AP3B1: variants seen among roughly 807,000 people sequenced by gnomAD.
AP3B1 encodes adaptor related protein complex 3 subunit beta 1.
AP3B1 carries 61 observed loss-of-function variants against 132.5 expected under a neutral mutation model. The ratio of observed to expected loss-of-function variants is 0.46; its 90% CI spans 0.37 to 0.57. The LOEUF (loss-of-function observed/expected upper bound fraction) is 0.57, where lower values mean the gene tolerates loss of function less well. Ranked by LOEUF, AP3B1 falls within the 20% of genes least tolerant of loss-of-function variation. The probability of loss-of-function intolerance (pLI) is 0.00; values close to 1 mark genes in which losing one functional copy is unlikely to be tolerated. For missense variants in AP3B1, 1,120 were observed against 1,289.4 expected, an observed-to-expected ratio of 0.87 and a Z score of 2.01; for synonymous variants, 388 against 438.3, an observed-to-expected ratio of 0.89 and a Z score of 1.43.
In AP3B1 at chr5:78,197,145, T is replaced by C. The variant is rs542115525; in HGVS notation, c.787-15483A>G. Among the ~76,000 whole-genome samples, 7 of 152,274 alleles carry C rather than the reference T, an allele frequency of 4.6e-5. No individual in the cohort carries two copies. The South Asian group carries it at 1.5e-3, about 32-fold the overall frequency. ...AAATCCCTGCACCTTCAACTAAGTT[T>C]TACCGTAAACTTATAACTGCTCCAA... On this transcript the variant is annotated intron_variant, in intron 7 of 26. Transcript: ENST00000255194.
intron 22 of AP3B1, among the ~76,000 whole-genome samples, chr5:78,079,667 T>C (rs1749907921): frequency 6.6e-6 from 1 of 152,234 alleles, no homozygotes. Flanking sequence ...GATTTTAGTA[T>C]ATATTTAATG....
intron 7 of AP3B1, among the ~76,000 whole-genome samples, chr5:78,191,354 C>CAAAAAAAAAAAAAAAAAAAA (rs34733864): frequency 1.4e-5 from 1 of 72,832 alleles, no homozygotes; most frequent in African/African-American, 5.5e-5. Context: ...TGCTTTTCCC[C>CAAAAAAAAAAAAAAAAAAAA]AAAAAAAAAA....
At chr5:78,092,526 T>C (rs950443972) in intron 21 of AP3B1, among the ~76,000 whole-genome samples, 6 of 152,206 alleles carry the variant, frequency 3.9e-5, no homozygotes, top group Admixed American at 3.3e-4. Flanking sequence ...AAATGAAATA[T>C]CATGCCCACC....
intron 24 of AP3B1, among the ~76,000 whole-genome samples, chr5:78,029,320 T>C (rs1282717163): frequency 1.3e-5 from 2 of 152,182 alleles, no homozygotes; most frequent in Non-Finnish European, 2.9e-5. Context: ...AAATATTTTA[T>C]TATTACTTTT....
chr5:78,197,435 C>T (rs982740677), intron 7 of AP3B1, among the ~76,000 whole-genome samples: 1 of 152,116 alleles, frequency 6.6e-6, no homozygotes. Flanking sequence ...GGTTTATATA[C>T]TCTTAAGGTA....
chr5:78,174,183 C>T (rs1376502247), intron 11 of AP3B1, among the ~76,000 whole-genome samples: 7 of 152,136 alleles, frequency 4.6e-5, no homozygotes, highest in East Asian at 1.9e-4. Context: ...AGCCTACTTC[C>T]GTCAACTCAT....
chr5:78,232,758 G>C (rs187421856), intron 3 of AP3B1, among the ~76,000 whole-genome samples: 3 of 152,092 alleles, frequency 2.0e-5, no homozygotes, highest in Non-Finnish European at 4.4e-5. Flanking sequence ...CCAGGCTGGA[G>C]TGCAGTGGCA....
chr5:78,187,362 C>G (rs1744644449), intron 7 of AP3B1, among the ~76,000 whole-genome samples: 1 of 152,142 alleles, frequency 6.6e-6, no homozygotes, highest in South Asian at 2.1e-4. Context: ...ACAGACATAG[C>G]ACTATTACTA....
chr5:78,123,320 T>C (rs961400212), intron 17 of AP3B1, among the ~76,000 whole-genome samples: 2 of 152,130 alleles, frequency 1.3e-5, no homozygotes, highest in Non-Finnish European at 2.9e-5. Context: ...CCAAAAGCAA[T>C]GGTAACAAAA....
chr5:78,268,104 T>C (rs1054242967), intron 1 of AP3B1, among the ~76,000 whole-genome samples: 1 of 152,064 alleles, frequency 6.6e-6, no homozygotes, highest in Non-Finnish European at 1.5e-5. Context: ...AGCTTGAAAA[T>C]ATTTAAACAG....
At chr5:78,141,387 GT>G (rs1417021102) in intron 14 of AP3B1, 68 bp from the exon 15 acceptor site, 1 of 1,299,568 alleles carries the variant, frequency 7.7e-7, no homozygotes, top group East Asian at 2.4e-5. Context: ...CATAGAAAAG[GT>G]TTTAACTATT....
chr5:78,083,805 TA>T (rs1173033719), intron 22 of AP3B1, among the ~76,000 whole-genome samples: 72 of 152,256 alleles, frequency 4.7e-4, no homozygotes, highest in Non-Finnish European at 8.4e-4. Context: ...AATATATAAT[TA>T]AAAGGATAGG....
Position 78,175,822 on chromosome 5 carries a change from C to A in AP3B1, c.1057G>T (p.Val353Phe). ...GACATAGTTGCTATATTTTGTAGGA[C>A]AATATACTGCACCTCCCTAGAAATC... is the stretch of plus-strand genomic sequence containing the variant. ...LRSNREVQYI[V>F]LQNIATMSIQ... is the part of the protein sequence containing the mutation. Residue 353 changes from valine to phenylalanine, a missense_variant, in exon 10 of 27, where the codon GTC becomes TTC. Val to Phe is a conservative substitution (Grantham distance 50). Around this residue, in one of 3 missense-constraint regions of AP3B1, gnomAD observed 906 missense variants for 997.1 expected, o/e 0.91. Coordinates refer to ENST00000255194, the MANE Select transcript of AP3B1 (RefSeq NM_003664.5). The A allele has an allele frequency of 6.2e-7, 1 of 1,610,972 alleles. No individual in the cohort carries two copies. Among genetic ancestry groups the A allele is most frequent in the Non-Finnish European group, 8.5e-7 (1 of 1,178,598 alleles).
chr5:78,128,073 A>T lies in AP3B1; in HGVS notation c.1925T>A (p.Val642Glu). 6.2e-7 allele frequency: 1 copy of T among 1,613,424 alleles called. No homozygotes were observed. Among genetic ancestry groups the T allele is most frequent in the South Asian group, 1.1e-5 (1 of 91,070 alleles). Residue 642 changes from valine (V) to glutamate (E), a missense_variant, in exon 17 of 27, where the codon GTG becomes GAG. Val to Glu is a moderately radical substitution (Grantham distance 121). This residue lies in a region of AP3B1 where 906 missense variants were observed against 997.1 expected (regional missense o/e 0.91). Coordinates refer to ENST00000255194, the MANE Select transcript of AP3B1 (RefSeq NM_003664.5). ...GYLELSNWPE[V>E]APDPSVRNVE... ...ATTTCGAACTGATGGGTCGGGCGCC[A>T]CCTCTGGCCAATTAGATAATTCCAG... is the stretch of plus-strand genomic sequence containing the variant.
At chr5:78,199,580 G>C (rs1012675944) in intron 7 of AP3B1, among the ~76,000 whole-genome samples, 36 of 152,120 alleles carry the variant, frequency 2.4e-4, no homozygotes, top group African/African-American at 8.4e-4. Context: ...AAAATAAAAA[G>C]TTTATATTAG....
At chr5:78,219,591 T>C (rs915352046) in intron 6 of AP3B1, among the ~76,000 whole-genome samples, 24 of 152,250 alleles carry the variant, frequency 1.6e-4, no homozygotes, top group African/African-American at 5.8e-4. Flanking sequence ...GTAAGGTTTC[T>C]GTAATATCTT....
intron 21 of AP3B1, among the ~76,000 whole-genome samples, chr5:78,094,503 A>G (rs1750688056): frequency 6.6e-6 from 1 of 152,220 alleles, no homozygotes; most frequent in South Asian, 2.1e-4. Flanking sequence ...ATAGAGAAAT[A>G]GTAAGAGAAA....
chr5:78,018,478 C>T (rs953152719), intron 25 of AP3B1, among the ~76,000 whole-genome samples: 1 of 145,086 alleles, frequency 6.9e-6, no homozygotes, highest in Non-Finnish European at 1.6e-5. Flanking sequence ...ATACTGTACA[C>T]TTTTCAGTTA....
At chr5:78,018,021 CT>C (rs1366296701) in intron 25 of AP3B1, among the ~76,000 whole-genome samples, 1 of 151,708 alleles carries the variant, frequency 6.6e-6, no homozygotes, top group East Asian at 1.9e-4. Flanking sequence ...AAAAAAAATT[CT>C]AAGTTTTACA....
Sources: gnomAD v4.1 joint callset for allele counts (sites outside exome capture counted in the v4.1 genomes callset) on GRCh38, gnomAD v4.1.1 for gene constraint, gnomAD v4.1.1 regional missense constraint, MANE v1.5 for transcripts, NCBI Gene and HGNC (gene_info 2026-07-23, HGNC 2026-07-21) for gene names.